TMX3: variants seen among roughly 807,000 people sequenced by gnomAD.
The protein encoded by TMX3 is protein disulfide-isomerase TMX3.
TMX3 carries 40 observed loss-of-function variants against 64.4 expected under a neutral mutation model. That is an observed-to-expected ratio of 0.62 (90% confidence interval 0.48 to 0.81). The LOEUF (loss-of-function observed/expected upper bound fraction) is 0.81, where lower values mean the gene tolerates loss of function less well. Among genes scored for constraint, TMX3 ranks in the 30% least tolerant of loss-of-function variants. The probability of loss-of-function intolerance (pLI) is 0.00; values close to 1 mark genes in which losing one functional copy is unlikely to be tolerated. For synonymous variants in TMX3, 189 were observed against 175.7 expected (o/e 1.08, Z -0.60); for missense variants, 497 against 534.5 (o/e 0.93, Z 0.69).
intron 8 of TMX3, among the ~76,000 whole-genome samples, chr18:68,693,228 G>A (rs371203362): frequency 1.8e-4 from 27 of 152,296 alleles, no homozygotes; most frequent in South Asian, 1.2e-3. Context: ...GCTGCTGCGC[G>A]AATGCCAGCT....
intron 9 of TMX3, among the ~76,000 whole-genome samples, chr18:68,690,223 T>C (rs1410904532): frequency 2.6e-5 from 4 of 152,192 alleles, no homozygotes. Flanking sequence ...TTCTAGAATA[T>C]TTCTGAATGA....
chr18:68,695,127 A>G (rs957855995), intron 8 of TMX3, among the ~76,000 whole-genome samples: 2 of 152,198 alleles, frequency 1.3e-5, no homozygotes, highest in African/African-American at 4.8e-5. Context: ...TCAAACACCA[A>G]TGAGGTTTTT....
In TMX3 at chr18:68,676,975, T is replaced by C; in HGVS notation, c.1323A>G (p.Thr441=). 1 of 1,613,854 alleles carries C rather than the reference T, an allele frequency of 6.2e-7. No individual in the cohort carries two copies. The highest frequency in any genetic ancestry group is 8.5e-7 in the Non-Finnish European group (1 of 1,179,816). Residue 441 remains threonine (T), a synonymous_variant, in exon 16 of 16, where the codon ACA becomes ACG. Transcript: ENST00000299608. Reference sequence around the variant, plus strand: ...CTAATACATCCTTGGGCTCCTGCACTGTAGGCACTACAGATCCTCCACTGC... The same window carrying C: ...CTAATACATCCTTGGGCTCCTGCACCGTAGGCACTACAGATCCTCCACTGC... The part of the protein sequence containing the change: ...EPSSGGSVVP[T]VQEPKDVLEK...
In TMX3 at chr18:68,697,948, C is replaced by T; in HGVS notation, c.476G>A (p.Gly159Glu). ...AAGTCTTACTTTCAAAGGTGATTCTCCACCTACATAAACGAAAAATACACG... is the reference window on the plus strand; with the variant it reads ...AAGTCTTACTTTCAAAGGTGATTCTTCACCTACATAAACGAAAAATACACG... ...RHRVFFVYVG[G>E]ESPLKEKYID... Residue 159 changes from glycine (G) to glutamate (E), a missense_variant, in exon 7 of 16, where the codon GGA (glycine) becomes GAA (glutamate). By Grantham distance (98) the Gly-to-Glu change is moderately conservative (BLOSUM62 -2). Coordinates refer to ENST00000299608, the MANE Select transcript of TMX3 (RefSeq NM_019022.5). 6.2e-7 allele frequency: 1 copy of T among 1,608,778 alleles called. No homozygotes were observed.
At chr18:68,685,171 C>T (rs1052448445) in intron 10 of TMX3, among the ~76,000 whole-genome samples, 12 of 152,170 alleles carry the variant, frequency 7.9e-5, no homozygotes, top group African/African-American at 2.7e-4. Flanking sequence ...CACAGGGGAA[C>T]AGGGAAGTGC....
At chr18:68,682,808 A>T in intron 13 of TMX3, 117 bp downstream of exon 13, 1 of 750,648 alleles carries the variant, frequency 1.3e-6, no homozygotes, top group Non-Finnish European at 2.1e-6. Flanking sequence ...GAATATCTGC[A>T]TCTGAATATG....
chr18:68,690,008 TCA>T (rs1391917471), intron 9 of TMX3: 1 of 152,182 alleles, frequency 6.6e-6, no homozygotes, highest in Non-Finnish European at 1.5e-5. Context: ...AATTCAGCTC[TCA>T]CATTTATTTA....
At chr18:68,681,383 T>C in intron 13 of TMX3, 1 of 738,052 alleles carries the variant, frequency 1.4e-6, no homozygotes, top group Non-Finnish European at 1.7e-6. Flanking sequence ...TTATAACATA[T>C]GTATTGAAAA....
At chr18:68,688,164 T>C (rs1914148999) in intron 9 of TMX3, among the ~76,000 whole-genome samples, 1 of 152,148 alleles carries the variant, frequency 6.6e-6, no homozygotes, top group Non-Finnish European at 1.5e-5. Flanking sequence ...TAAAAGAAAG[T>C]ATGAAAAGAT....
At chr18:68,702,833 C>T (rs887094925) in intron 4 of TMX3, among the ~76,000 whole-genome samples, 10 of 152,150 alleles carry the variant, frequency 6.6e-5, no homozygotes, top group African/African-American at 1.9e-4. Context: ...TAAGGGCAGT[C>T]GATTTGTGAA....
intron 8 of TMX3, among the ~76,000 whole-genome samples, chr18:68,693,082 T>G (rs1362973934): frequency 6.6e-6 from 1 of 152,204 alleles, no homozygotes; most frequent in Non-Finnish European, 1.5e-5. Flanking sequence ...AAGTTCAGAT[T>G]CTAGTCCATT....
intron 6 of TMX3, 126 bp downstream of exon 6, chr18:68,700,279 G>T: frequency 1.7e-6 from 1 of 584,314 alleles, no homozygotes; most frequent in Non-Finnish European, 2.8e-6. Flanking sequence ...TCTCTCATAA[G>T]TAAATAATCA....
At position 68,715,024 on chromosome 18, in the gene TMX3, G is replaced by C. The variant is rs943938752; in HGVS notation, c.-43C>G. On this transcript the variant is annotated 5_prime_UTR_variant, in exon 1 of 16. It adds an upstream start codon to the 5' untranslated region. Transcript: ENST00000299608. ...GCAGAAGCTGACTGTGCAAAAGAGG[G>C]ATAAAGACACTGGGGTCCGCCGCCT... The C allele has an allele frequency of 6.4e-7, 1 of 1,554,300 alleles. No individual in the cohort carries two copies. Among genetic ancestry groups the C allele is most frequent in the East Asian group, 2.4e-5 (1 of 40,918 alleles).
At chr18:68,703,382 A>G (rs2030322080) in intron 4 of TMX3, among the ~76,000 whole-genome samples, 1 of 152,198 alleles carries the variant, frequency 6.6e-6, no homozygotes, top group African/African-American at 2.4e-5. Flanking sequence ...AAATAAAGAA[A>G]ATACAGTATG....
rs192110842 is a variant in TMX3, at chr18:68,697,676, A to G, written c.492+256T>C. 19 of 422,712 alleles carry G rather than the reference A, an allele frequency of 4.5e-5. No homozygotes were observed. In the East Asian group the frequency reaches 6.3e-4, roughly 14 times the overall value. 26.2% of individuals were successfully genotyped at this position (422,712 alleles called of 1,614,324 possible). A position where few individuals can be genotyped will look rare whatever the true frequency, so the allele number is the denominator to read the frequency against. ...AATTTGAAAAAGCAACACAAGACTT[A>G]AATAACCAGGTTAATAACAGAAAAA... On this transcript the variant is annotated intron_variant, in intron 7 of 15. Coordinates refer to ENST00000299608, the MANE Select transcript of TMX3 (RefSeq NM_019022.5).
intron 4 of TMX3, among the ~76,000 whole-genome samples, chr18:68,703,930 AAAACAAAC>A (rs539227857): frequency 6.6e-6 from 1 of 152,174 alleles, no homozygotes; most frequent in African/African-American, 2.4e-5. Flanking sequence ...ACTCTGTCTC[AAAACAAAC>A]AAACAAACAA....
At chr18:68,711,733 G>A (rs1468406762) in intron 2 of TMX3, among the ~76,000 whole-genome samples, 1 of 152,176 alleles carries the variant, frequency 6.6e-6, no homozygotes, top group African/African-American at 2.4e-5. Context: ...GGAAGCCTGA[G>A]GCTGCTATGC....
At position 68,675,397 on chromosome 18, in the gene TMX3, A is replaced by G. The variant is rs893016964; in HGVS notation, c.*1536T>C. On this transcript the variant is annotated 3_prime_UTR_variant, in exon 16 of 16. Transcript: ENST00000299608. ...AAGAATAGGTATTTAATTATTAAAT[A>G]CTAAAAGAGTACATGGATAAAATAA... 1 of 152,152 alleles carries G rather than the reference A, an allele frequency of 6.6e-6. No individual in the cohort carries two copies. Among genetic ancestry groups the G allele is most frequent in the Non-Finnish European group, 1.5e-5 (1 of 68,018 alleles). The allele number at this position is 152,152 out of a possible 1,614,324, so 9.4% of individuals were successfully genotyped here.
At chr18:68,685,817 G>A (rs186472311) in intron 10 of TMX3, among the ~76,000 whole-genome samples, 1 of 152,178 alleles carries the variant, frequency 6.6e-6, no homozygotes, top group Non-Finnish European at 1.5e-5. Context: ...GTAGTCTGAC[G>A]AGGTCAGTGA....
Sources: allele counts gnomAD v4.1 joint callset (sites outside exome capture counted in the v4.1 genomes callset), GRCh38; gene constraint gnomAD v4.1.1; transcripts MANE v1.5; gene names NCBI Gene and HGNC (gene_info 2026-07-23, HGNC 2026-07-21).